Variants in TIAM1 observed in about 807,000 individuals in gnomAD.
TIAM1 encodes the protein TIAM Rac1 associated GEF 1, also known as rho guanine nucleotide exchange factor TIAM1.
TIAM1 carries 65 observed loss-of-function variants against 163.5 expected under a neutral mutation model. The observed-to-expected ratio is 0.40, with a 90% CI of 0.33 to 0.49. The LOEUF is 0.49. TIAM1 is among the 20% of genes least tolerant of loss of function. The pLI is 0.77. For missense variants in TIAM1, 1,789 were observed against 2,044.7 expected (o/e 0.87, Z 2.41); for synonymous variants, 833 against 810.1 (o/e 1.03, Z -0.48).
In TIAM1 at chr21:31,283,864, G is replaced by A. The variant is rs375320558; in HGVS notation, c.-188-6956C>T. The stretch of plus-strand genomic sequence containing the variant: ...TCCCCTTTTCCCATTTCTTAAAGCC[G>A]CAAAGCTACTGAACACTTGGGAATT... On this transcript the variant is annotated intron_variant, in intron 2 of 27. Coordinates refer to ENST00000541036, the MANE Select transcript of TIAM1 (RefSeq NM_001353694.2). Among the ~76,000 whole-genome samples, 3 of 152,004 alleles carry A rather than the reference G, an allele frequency of 2.0e-5. No homozygotes were observed. In the South Asian group the frequency reaches 6.2e-4, roughly 32 times the overall value.
At chr21:31,231,593 T>C (rs1188179841) in intron 6 of TIAM1, among the ~76,000 whole-genome samples, 1 of 152,196 alleles carries the variant, frequency 6.6e-6, no homozygotes, top group Admixed American at 6.5e-5. Context: ...TTGAATGGTA[T>C]ATATTTAATT....
Position 31,213,475 on chromosome 21 carries a change from G to C in TIAM1, c.2143-3C>G. On this transcript the variant is annotated splice_region_variant and splice_polypyrimidine_tract_variant and intron_variant, in intron 9 of 27. Coordinates refer to ENST00000541036, the MANE Select transcript of TIAM1 (RefSeq NM_001353694.2). ...GCTTCGGTTCCCTCTCCAAACACCT[G>C]CATATACAAAAGTACCACCTTAAAA... The C allele has an allele frequency of 6.2e-7, 1 of 1,613,574 alleles. No individual in the cohort carries two copies. The highest frequency in any genetic ancestry group is 8.5e-7 in the Non-Finnish European group (1 of 1,179,800).
chr21:31,235,861 G>A (rs1481095423), intron 6 of TIAM1, among the ~76,000 whole-genome samples: 1 of 152,238 alleles, frequency 6.6e-6, no homozygotes, highest in African/African-American at 2.4e-5. Flanking sequence ...CCACAAGAAG[G>A]CATAAAATCT....
At chr21:31,480,416 GC>G (rs1164151801) in intron 1 of TIAM1, among the ~76,000 whole-genome samples, 1 of 152,204 alleles carries the variant, frequency 6.6e-6, no homozygotes, top group African/African-American at 2.4e-5. Flanking sequence ...CCCAAGGGAG[GC>G]TTGGGATGCA....
chr21:31,167,483 T>C (rs960642408), intron 15 of TIAM1, among the ~76,000 whole-genome samples: 1 of 152,148 alleles, frequency 6.6e-6, no homozygotes, highest in African/African-American at 2.4e-5. Context: ...GTAAAACAAA[T>C]GTCCTTTTTA....
intron 2 of TIAM1, among the ~76,000 whole-genome samples, chr21:31,407,516 A>G (rs1013670244): frequency 6.6e-6 from 1 of 152,054 alleles, no homozygotes; most frequent in Non-Finnish European, 1.5e-5. Context: ...GAGCCACTGG[A>G]TACCCTGGTT....
chr21:31,195,340 C>T (rs2085790839), intron 12 of TIAM1, 35 bp from the exon 13 acceptor site: 1 of 1,439,152 alleles, frequency 6.9e-7, no homozygotes, highest in Non-Finnish European at 9.7e-7. Flanking sequence ...ATTAGAATTT[C>T]ATTATAACTA....
At chr21:31,320,651 A>T (rs2075279185) in intron 2 of TIAM1, among the ~76,000 whole-genome samples, 1 of 152,166 alleles carries the variant, frequency 6.6e-6, no homozygotes, top group Admixed American at 6.5e-5. Flanking sequence ...GAGCAATGGT[A>T]GGTGACTCCC....
chr21:31,132,882 G>C lies in TIAM1; in HGVS notation c.3884-1934C>G, dbSNP rs558937168. Reference sequence around the variant, plus strand: ...TGTCAAATACCCTTCAAGGCAGAAGGCTATTTCTATTTTTGTTTGTTTCTG... The same window carrying C: ...TGTCAAATACCCTTCAAGGCAGAAGCCTATTTCTATTTTTGTTTGTTTCTG... On this transcript the variant is annotated intron_variant, in intron 23 of 27. Transcript: ENST00000541036. 2.8e-4 allele frequency among the ~76,000 whole-genome samples: 43 copies of C among 152,300 alleles called. 1 individual carries two copies. Among genetic ancestry groups the C allele is most frequent in the South Asian group, 1.0e-3 (5 of 4,824 alleles).
chr21:31,266,347 T>G lies in TIAM1; in HGVS notation c.626A>C (p.Glu209Ala). ...ILGSAEEKDC[E>A]EARGMETRAS... is the part of the protein sequence containing the mutation. ...CCGCGTTTCCATCCCCCGAGCCTCCTCGCAGTCCTTCTCTTCGGCGGAACC... is the reference window on the plus strand; with the variant it reads ...CCGCGTTTCCATCCCCCGAGCCTCCGCGCAGTCCTTCTCTTCGGCGGAACC... Residue 209 changes from glutamate (E) to alanine (A), a missense_variant, in exon 4 of 28, where the codon GAG (glutamate) becomes GCG (alanine). By Grantham distance (107) the Glu-to-Ala change is moderately radical (BLOSUM62 -1). Around this residue, in one of 5 missense-constraint regions of TIAM1, gnomAD observed 555 missense variants for 564.9 expected, o/e 0.98. Coordinates refer to ENST00000541036, the MANE Select transcript of TIAM1 (RefSeq NM_001353694.2). 1 of 1,614,260 alleles carries G rather than the reference T, an allele frequency of 6.2e-7. No homozygotes were observed. The highest frequency in any genetic ancestry group is 8.5e-7 in the Non-Finnish European group (1 of 1,180,050).
rs138752874 is a variant in TIAM1, at chr21:31,297,401, G to A, written c.-188-20493C>T. Among the ~76,000 whole-genome samples the A allele has an allele frequency of 5.6e-3, 850 of 152,116 alleles. 9 individuals are homozygous for A. Among genetic ancestry groups the A allele is most frequent in the Non-Finnish European group, 7.5e-3 (510 of 67,990 alleles). ...GTGATGGCCACATAACAGTGTGAAC[G>A]TACTTTCCTTTGAGACGGAGTCTCG... On this transcript the variant is annotated intron_variant, in intron 2 of 27. Coordinates refer to ENST00000541036, the MANE Select transcript of TIAM1 (RefSeq NM_001353694.2).
At chr21:31,135,758 A>C (rs1215353010) in intron 23 of TIAM1, among the ~76,000 whole-genome samples, 175 bp downstream of exon 23, 1 of 152,130 alleles carries the variant, frequency 6.6e-6, no homozygotes. Flanking sequence ...GGGCAATTTA[A>C]CTCGAAGGTT....
chr21:31,555,767 C>T (rs1446304028), intron 1 of TIAM1, among the ~76,000 whole-genome samples: 2 of 152,216 alleles, frequency 1.3e-5, no homozygotes, highest in Non-Finnish European at 2.9e-5. Flanking sequence ...AAACGTGTTT[C>T]TCCTTTAGAC....
chr21:31,315,944 T>A (rs1200831700), intron 2 of TIAM1, among the ~76,000 whole-genome samples: 1 of 152,140 alleles, frequency 6.6e-6, no homozygotes, highest in African/African-American at 2.4e-5. Context: ...GCCACTGCAC[T>A]CCAGTCTGGG....
At chr21:31,271,591 A>G (rs2073058522) in intron 3 of TIAM1, among the ~76,000 whole-genome samples, 1 of 152,178 alleles carries the variant, frequency 6.6e-6, no homozygotes, top group African/African-American at 2.4e-5. Flanking sequence ...GAAAGAATTA[A>G]GGGCTTGCAC....
At chr21:31,447,295 G>A (rs556063062) in intron 2 of TIAM1, among the ~76,000 whole-genome samples, 61 of 152,172 alleles carry the variant, frequency 4.0e-4, no homozygotes, top group African/African-American at 1.2e-3. Context: ...TAATTAGCAG[G>A]GTGTAGTGGT....
intron 5 of TIAM1, among the ~76,000 whole-genome samples, chr21:31,249,192 G>T (rs2071663506): frequency 6.6e-6 from 1 of 152,128 alleles, no homozygotes. Context: ...TCACGTGGGT[G>T]GTCCCTGATC....
intron 6 of TIAM1, among the ~76,000 whole-genome samples, chr21:31,227,608 TAAAGA>T (rs145649493): frequency 0.073 from 11,064 of 152,206 alleles, 423 homozygotes; most frequent in African/African-American, 0.093. Flanking sequence ...GGAGAGGCGA[TAAAGA>T]AACCGGAAGC....
chr21:31,543,535 G>A (rs1442229123), intron 1 of TIAM1, among the ~76,000 whole-genome samples: 1 of 152,046 alleles, frequency 6.6e-6, no homozygotes, highest in Non-Finnish European at 1.5e-5. Context: ...GATTCAGAAG[G>A]GAAGGGACGA....
Sources: allele counts gnomAD v4.1 joint callset (sites outside exome capture counted in the v4.1 genomes callset), GRCh38; gene constraint gnomAD v4.1.1; regional missense constraint gnomAD v4.1.1; transcripts MANE v1.5; gene names NCBI Gene and HGNC (gene_info 2026-07-23, HGNC 2026-07-21).